Variants in KCNC4 observed in about 807,000 individuals in gnomAD.
The protein encoded by KCNC4 is voltage-gated potassium channel KCNC4.
KCNC4 carries 23 observed loss-of-function variants against 42.8 expected under a neutral mutation model. The observed-to-expected ratio is 0.54, with a 90% CI of 0.39 to 0.76. KCNC4 has a LOEUF of 0.76. KCNC4 is among the 30% of genes least tolerant of loss of function. The probability of loss-of-function intolerance (pLI) is 0.00; values close to 1 mark genes in which losing one functional copy is unlikely to be tolerated. For synonymous variants in KCNC4, 422 were observed against 393.5 expected (o/e 1.07, Z -0.86); for missense variants, 751 against 898.2 (o/e 0.84, Z 2.10).
intron 3 of KCNC4, 162 bp from the exon 4 acceptor site, chr1:110,232,749 C>T: frequency 6.5e-7 from 1 of 1,533,626 alleles, no homozygotes; most frequent in Non-Finnish European, 8.7e-7. Flanking sequence ...TGGTCTACTC[C>T]TTAGCCCACA....
chr1:110,238,065 C>T (rs1372160452), downstream of KCNC4: 1 of 152,242 alleles, frequency 6.6e-6, no homozygotes, highest in Non-Finnish European at 1.5e-5. Context: ...ACAAGGCTGT[C>T]TCCGACCCAG....
rs1184924098 is a variant in KCNC4 at position 110,210,981 on chromosome 1, C to T, written c.-519C>T. On this transcript the variant is annotated 5_prime_UTR_variant, in exon 1 of 4. Coordinates refer to ENST00000438661, the MANE Select transcript of KCNC4 (RefSeq NM_001039574.3). ...CTCCGGCTGCCGTGAGAGTGTCGGC[C>T]TGGCCCCGGCAGCCGCTCGGAGGAC... is the stretch of plus-strand genomic sequence containing the variant. Among the ~76,000 whole-genome samples the T allele has an allele frequency of 6.6e-6, 1 of 152,316 alleles. No homozygotes were observed. The highest frequency in any genetic ancestry group is 2.1e-4 in the South Asian group (1 of 4,832).
At chr1:110,225,824 C>G (rs2101022904) in intron 2 of KCNC4, 151 bp from the exon 3 acceptor site, 1 of 705,446 alleles carries the variant, frequency 1.4e-6, no homozygotes, top group East Asian at 2.6e-5. Context: ...GCCCTCTGCT[C>G]CCCGGCTCTG....
Position 110,233,660 on chromosome 1 carries a change from C to G in KCNC4, c.*688C>G, listed in dbSNP as rs2101045141. On this transcript the variant is annotated 3_prime_UTR_variant, in exon 4 of 4. Coordinates refer to ENST00000438661, the MANE Select transcript of KCNC4 (RefSeq NM_001039574.3). The stretch of plus-strand genomic sequence containing the variant: ...TTTAGATTTGATTTTGTTCTCTCTC[C>G]TTTGTCTGTTTGTTGTCAAAGATGC... 6.5e-6 allele frequency: 1 copy of G among 152,782 alleles called. No individual in the cohort carries two copies. Among genetic ancestry groups the G allele is most frequent in the African/African-American group, 2.4e-5 (1 of 41,562 alleles). 9.5% of individuals were successfully genotyped at this position (152,782 alleles called of 1,614,324 possible). A position where few individuals can be genotyped will look rare whatever the true frequency, so the allele number is the denominator to read the frequency against.
intron 1 of KCNC4, among the ~76,000 whole-genome samples, chr1:110,275,063 G>C (rs776220603): frequency 6.6e-6 from 1 of 151,828 alleles, no homozygotes; most frequent in Non-Finnish European, 1.5e-5. Flanking sequence ...TCAACAGAGT[G>C]AACAGACAAC....
downstream of KCNC4, among the ~76,000 whole-genome samples, chr1:110,253,926 C>T (rs1047540861): frequency 3.3e-5 from 5 of 152,106 alleles, no homozygotes; most frequent in Admixed American, 1.3e-4. Flanking sequence ...ATAGGGCCCC[C>T]GCCCTACTTC....
At chr1:110,258,314 T>C (rs1398155761) in intron 1 of KCNC4, among the ~76,000 whole-genome samples, 2 of 152,286 alleles carry the variant, frequency 1.3e-5, no homozygotes, top group Non-Finnish European at 2.9e-5. Context: ...CTCGGCTCAC[T>C]GCAACCTCCG....
chr1:110,271,627 A>G (rs1013341626), intron 1 of KCNC4, among the ~76,000 whole-genome samples: 1 of 152,212 alleles, frequency 6.6e-6, no homozygotes, highest in Non-Finnish European at 1.5e-5. Flanking sequence ...CAGTGCCAGC[A>G]GACAACTTTC....
intron 1 of KCNC4, among the ~76,000 whole-genome samples, chr1:110,271,401 A>G (rs1208203703): frequency 6.6e-6 from 1 of 152,170 alleles, no homozygotes; most frequent in East Asian, 1.9e-4. Flanking sequence ...TAGTAGAGCT[A>G]AAACTGGAAC....
intron 1 of KCNC4, among the ~76,000 whole-genome samples, chr1:110,255,722 G>A (rs2101070560): frequency 6.6e-6 from 1 of 152,286 alleles, no homozygotes; most frequent in South Asian, 2.1e-4. Flanking sequence ...GGGCCAATGG[G>A]GATCAAGAAG....
Position 110,212,303 on chromosome 1 carries a change from C to T in KCNC4, c.678+126C>T, listed in dbSNP as rs967231071. The T allele has an allele frequency of 1.4e-5, 15 of 1,051,178 alleles. No individual in the cohort carries two copies. The African/African-American group carries it at 2.2e-4, about 15-fold the overall frequency. 65.1% of individuals were successfully genotyped at this position (1,051,178 alleles called of 1,614,324 possible). A position where few individuals can be genotyped will look rare whatever the true frequency, so the allele number is the denominator to read the frequency against. On this transcript the variant is annotated intron_variant, in intron 1 of 3. Coordinates refer to ENST00000438661, the MANE Select transcript of KCNC4 (RefSeq NM_001039574.3). The stretch of plus-strand genomic sequence containing the variant: ...CCTTACCACCGCAGATTGTTCCCGC[C>T]TTCCTCTCAACCCCCCTCCGTGGCT...
At chr1:110,258,114 T>C (rs987873553) in intron 1 of KCNC4, among the ~76,000 whole-genome samples, 1 of 152,184 alleles carries the variant, frequency 6.6e-6, no homozygotes, top group Non-Finnish European at 1.5e-5. Context: ...TGAAGAATGA[T>C]ATTGGGAGCA....
At chr1:110,236,201 CT>C (rs1658901790), downstream of KCNC4, 1 of 152,214 alleles carries the variant, frequency 6.6e-6, no homozygotes, top group Non-Finnish European at 1.5e-5. Flanking sequence ...TTATTGAGTG[CT>C]GGGCAGTACA....
chr1:110,259,380 T>A (rs776773946), intron 1 of KCNC4, among the ~76,000 whole-genome samples: 1 of 152,220 alleles, frequency 6.6e-6, no homozygotes, highest in Non-Finnish European at 1.5e-5. Flanking sequence ...GCTTAATTCA[T>A]GAGAAGAGCC....
At chr1:110,262,931 C>T (rs59556988) in intron 1 of KCNC4, among the ~76,000 whole-genome samples, 35 of 152,294 alleles carry the variant, frequency 2.3e-4, no homozygotes, top group African/African-American at 6.0e-4. Flanking sequence ...GGTGAGACTC[C>T]GCGTAACCCC....
intron 3 of KCNC4, chr1:110,232,318 G>A (rs1256878357): frequency 1.2e-6 from 2 of 1,612,110 alleles, no homozygotes; most frequent in Non-Finnish European, 1.7e-6. Flanking sequence ...GAGGAAGGGG[G>A]CTGGGCACGA....
At chr1:110,256,054 G>A (rs1019533766) in intron 1 of KCNC4, among the ~76,000 whole-genome samples, 13 of 152,178 alleles carry the variant, frequency 8.5e-5, no homozygotes, top group African/African-American at 2.9e-4. Context: ...GGGAGGCCAT[G>A]TCAGTCCTGC....
intron 1 of KCNC4, among the ~76,000 whole-genome samples, chr1:110,261,273 C>T (rs1659421033): frequency 6.6e-6 from 1 of 152,002 alleles, no homozygotes; most frequent in Non-Finnish European, 1.5e-5. Context: ...CTTTTTCTAC[C>T]ATGAAAAATG....
In KCNC4 at chr1:110,212,314, C is replaced by T. The variant is rs965266007; in HGVS notation, c.678+137C>T. ...CAGATTGTTCCCGCCTTCCTCTCAA[C>T]CCCCCTCCGTGGCTCGCAGGGGAAT... On this transcript the variant is annotated intron_variant, in intron 1 of 3. Transcript: ENST00000438661. 21 of 945,726 alleles carry T rather than the reference C, an allele frequency of 2.2e-5. No individual in the cohort carries two copies. The South Asian group carries it at 3.5e-4, about 16-fold the overall frequency. 58.6% of individuals were successfully genotyped at this position (945,726 alleles called of 1,614,324 possible).
Sources: gnomAD v4.1 joint callset for allele counts (sites outside exome capture counted in the v4.1 genomes callset) on GRCh38, gnomAD v4.1.1 for gene constraint, MANE v1.5 for transcripts, NCBI Gene and HGNC (gene_info 2026-07-23, HGNC 2026-07-21) for gene names.